IQGAP1: variants seen among roughly 807,000 people sequenced by gnomAD.
The protein encoded by IQGAP1 is ras GTPase-activating-like protein IQGAP1.
Under a neutral mutation model 215.6 loss-of-function variants are expected in IQGAP1, and 66 were observed. The observed-to-expected ratio is 0.31, with a 90% CI of 0.25 to 0.38. The LOEUF (loss-of-function observed/expected upper bound fraction) is 0.38. IQGAP1 is among the 10% of genes least tolerant of loss of function. The probability of loss-of-function intolerance (pLI) is 1.00; values close to 1 mark genes in which losing one functional copy is unlikely to be tolerated. For synonymous variants in IQGAP1, 772 were observed against 728.7 expected (o/e 1.06, Z -0.96); for missense variants, 1,712 against 1,997.1 (o/e 0.86, Z 2.72).
At chr15:90,457,595 A>ATTTTTTTTTTTT (rs34550575) in intron 15 of IQGAP1, among the ~76,000 whole-genome samples, 2 of 131,374 alleles carry the variant, frequency 1.5e-5, no homozygotes. Context: ...CCTGGCTAAA[A>ATTTTTTTTTTTT]TTTTTTTTTT....
chr15:90,433,569 A>G (rs1965331349), intron 4 of IQGAP1, 150 bp from the exon 5 acceptor site: 2 of 544,766 alleles, frequency 3.7e-6, no homozygotes, highest in African/African-American at 3.8e-5. Flanking sequence ...ACCCTAATGA[A>G]GTTATTTGCT....
At chr15:90,466,464 C>T in intron 17 of IQGAP1, 28 bp downstream of exon 17, 1 of 1,610,772 alleles carries the variant, frequency 6.2e-7, no homozygotes, top group Non-Finnish European at 8.5e-7. Flanking sequence ...ACATATGTGC[C>T]CTGAAGCTAA....
At chr15:90,449,531 T>G in intron 10 of IQGAP1, 28 bp from the exon 11 acceptor site, 1 of 1,586,782 alleles carries the variant, frequency 6.3e-7, no homozygotes, top group Non-Finnish European at 8.6e-7. Flanking sequence ...ATGAGTAATC[T>G]TTACATAATT....
chr15:90,473,090 G>C, intron 19 of IQGAP1, 80 bp downstream of exon 19: 1 of 1,340,902 alleles, frequency 7.5e-7, no homozygotes, highest in South Asian at 1.3e-5. Context: ...ACCATTGACT[G>C]TCTGAGTGTG....
intron 23 of IQGAP1, chr15:90,474,950 C>A: frequency 7.5e-6 from 3 of 401,640 alleles, no homozygotes; most frequent in Non-Finnish European, 4.6e-6. Flanking sequence ...TCTGGGATTA[C>A]AGGCACGTGA....
intron 2 of IQGAP1, among the ~76,000 whole-genome samples, chr15:90,412,215 A>C (rs1237013573): frequency 6.6e-6 from 1 of 152,216 alleles, no homozygotes; most frequent in Non-Finnish European, 1.5e-5. Context: ...CCTGTTTTTC[A>C]CTTATTCCTA....
intron 2 of IQGAP1, among the ~76,000 whole-genome samples, chr15:90,401,916 A>AG (rs1555434479): frequency 6.6e-6 from 1 of 152,226 alleles, no homozygotes; most frequent in Non-Finnish European, 1.5e-5. Flanking sequence ...TATTTTAAAG[A>AG]GGGAAAAAAA....
intron 2 of IQGAP1, among the ~76,000 whole-genome samples, chr15:90,406,822 C>G (rs1240120864): frequency 6.6e-6 from 1 of 152,046 alleles, no homozygotes; most frequent in Non-Finnish European, 1.5e-5. Flanking sequence ...CATTGGAGTT[C>G]AAAAAGTGTA....
At chr15:90,435,946 C>G (rs1342748675) in intron 5 of IQGAP1, among the ~76,000 whole-genome samples, 1 of 151,842 alleles carries the variant, frequency 6.6e-6, no homozygotes, top group Non-Finnish European at 1.5e-5. Flanking sequence ...TCTTTTACCA[C>G]AAAACACAGC....
chr15:90,469,585 TCA>T (rs1370092435), intron 18 of IQGAP1, among the ~76,000 whole-genome samples: 1 of 152,206 alleles, frequency 6.6e-6, no homozygotes, highest in Non-Finnish European at 1.5e-5. Context: ...TTCCATTGTT[TCA>T]CAGTGTTGTG....
At chr15:90,454,775 A>T (rs1318374702) in intron 14 of IQGAP1, among the ~76,000 whole-genome samples, 1 of 152,210 alleles carries the variant, frequency 6.6e-6, no homozygotes, top group Non-Finnish European at 1.5e-5. Context: ...AGGTGAATTG[A>T]ACATGATCTG....
intron 9 of IQGAP1, among the ~76,000 whole-genome samples, chr15:90,445,894 C>T (rs1188613195): frequency 6.6e-6 from 1 of 150,956 alleles, no homozygotes; most frequent in Non-Finnish European, 1.5e-5. Flanking sequence ...TGCAGTGGCA[C>T]GATCTCGGCT....
intron 15 of IQGAP1, among the ~76,000 whole-genome samples, chr15:90,465,456 A>G (rs1378644551): frequency 3.9e-5 from 6 of 152,032 alleles, no homozygotes. Flanking sequence ...ACTTAAATTC[A>G]TCTTTATATA....
At chr15:90,401,236 A>G (rs1295991962) in intron 2 of IQGAP1, among the ~76,000 whole-genome samples, 1 of 152,182 alleles carries the variant, frequency 6.6e-6, no homozygotes, top group Non-Finnish European at 1.5e-5. Context: ...CGTGAATTAA[A>G]AAAATCTTAA....
chr15:90,486,790 T>A, intron 31 of IQGAP1, 164 bp from the exon 32 acceptor site: 1 of 671,816 alleles, frequency 1.5e-6, no homozygotes, highest in South Asian at 1.9e-5. Context: ...CTTTATCATT[T>A]GGCATAACAT....
intron 14 of IQGAP1, among the ~76,000 whole-genome samples, 186 bp from the exon 15 acceptor site, chr15:90,455,966 A>G (rs1965673847): frequency 6.6e-6 from 1 of 152,242 alleles, no homozygotes; most frequent in African/African-American, 2.4e-5. Context: ...TATGAATACA[A>G]GTGAGTTTAG....
At chr15:90,471,531 C>A (rs1965905111) in intron 18 of IQGAP1, among the ~76,000 whole-genome samples, 1 of 150,516 alleles carries the variant, frequency 6.6e-6, no homozygotes. Flanking sequence ...CGGAGTTTCG[C>A]TCTTGTTGCC....
chr15:90,415,424 T>C (rs185733944), intron 2 of IQGAP1, among the ~76,000 whole-genome samples: 1 of 152,356 alleles, frequency 6.6e-6, no homozygotes, highest in Non-Finnish European at 1.5e-5. Flanking sequence ...TACAGAAGTT[T>C]AAATACTAGC....
intron 26 of IQGAP1, among the ~76,000 whole-genome samples, chr15:90,479,705 C>T (rs553973963): frequency 1.3e-5 from 2 of 152,116 alleles, no homozygotes; most frequent in South Asian, 2.1e-4. Context: ...TTGATGGCGC[C>T]ACTGCACTCC....
Sources: allele counts gnomAD v4.1 joint callset (sites outside exome capture counted in the v4.1 genomes callset), GRCh38; gene constraint gnomAD v4.1.1; transcripts MANE v1.5; gene names NCBI Gene and HGNC (gene_info 2026-07-23, HGNC 2026-07-21).